DIAPH1: variants seen among roughly 807,000 people sequenced by gnomAD.
DIAPH1 encodes the protein diaphanous related formin 1.
A neutral mutation model predicts 140.7 loss-of-function variants in DIAPH1; 46 were observed. That is an observed-to-expected ratio of 0.33 (90% CI 0.26 to 0.42). The LOEUF is 0.42. Among genes scored for constraint, DIAPH1 ranks in the 10% least tolerant of loss-of-function variants. The probability of loss-of-function intolerance (pLI) is 1.00; values close to 1 mark genes in which losing one functional copy is unlikely to be tolerated. For missense variants in DIAPH1, 1,310 were observed against 1,558.7 expected, an observed-to-expected ratio of 0.84 and a Z score of 2.69; for synonymous variants, 565 against 551.6, an observed-to-expected ratio of 1.02 and a Z score of -0.34.
At chr5:141,596,599 A>G (rs1466728421) in intron 1 of DIAPH1, among the ~76,000 whole-genome samples, 2 of 152,176 alleles carry the variant, frequency 1.3e-5, no homozygotes. Context: ...TTCATTAATA[A>G]TTTTTATATT....
At position 141,548,956 on chromosome 5, in the gene DIAPH1, A is replaced by G. The variant is rs77930104; in HGVS notation, c.2483-14523T>C. On this transcript the variant is annotated intron_variant, in intron 18 of 27. Coordinates refer to ENST00000389054, the MANE Select transcript of DIAPH1 (RefSeq NM_005219.5). ...TAGGAGGATAGTAAAAAGGTATATA[A>G]CGACAGGGGAAATGTGAAATAATAC... is the stretch of plus-strand genomic sequence containing the variant. Among the ~76,000 whole-genome samples, 645 of 152,346 alleles carry G rather than the reference A, an allele frequency of 4.2e-3. 6 individuals carry two copies. Among genetic ancestry groups the G allele is most frequent in the African/African-American group, 0.015 (629 of 41,580 alleles).
chr5:141,586,897 G>A (rs2099897637), intron 3 of DIAPH1, 145 bp downstream of exon 3: 5 of 826,540 alleles, frequency 6.0e-6, no homozygotes, highest in Non-Finnish European at 8.2e-6. Flanking sequence ...CTAATTATGG[G>A]ATTAAAGGGT....
At chr5:141,566,414 CAGT>C (rs1226831310) in intron 18 of DIAPH1, among the ~76,000 whole-genome samples, 13 of 152,230 alleles carry the variant, frequency 8.5e-5, no homozygotes, top group Non-Finnish European at 1.8e-4. Flanking sequence ...ACACGGGTGT[CAGT>C]AGATGACAAC....
At chr5:141,583,089 C>T (rs2099897018) in intron 6 of DIAPH1, 117 bp downstream of exon 6, 2 of 896,004 alleles carry the variant, frequency 2.2e-6, no homozygotes, top group Non-Finnish European at 3.8e-6. Flanking sequence ...TCTTGGCTAA[C>T]AGTACATTCC....
intron 1 of DIAPH1, among the ~76,000 whole-genome samples, chr5:141,611,839 G>A (rs2099901889): frequency 1.3e-5 from 2 of 152,198 alleles, no homozygotes; most frequent in African/African-American, 4.8e-5. Context: ...GGCCCAGGCA[G>A]GTGGATCACC....
chr5:141,573,354 G>C, intron 16 of DIAPH1, 138 bp downstream of exon 16: 1 of 1,059,964 alleles, frequency 9.4e-7, no homozygotes, highest in Non-Finnish European at 1.4e-6. Flanking sequence ...AGAATGGCGT[G>C]AACCCGGGAG....
intron 1 of DIAPH1, among the ~76,000 whole-genome samples, chr5:141,589,920 T>C (rs1279482927): frequency 6.8e-6 from 1 of 147,834 alleles, no homozygotes; most frequent in East Asian, 2.0e-4. Context: ...TAGTAAATCT[T>C]TTTTTTTTTT....
intron 18 of DIAPH1, chr5:141,564,783 A>C (rs1008805821): frequency 6.6e-6 from 1 of 152,270 alleles, no homozygotes; most frequent in Non-Finnish European, 1.5e-5. Context: ...AAAAAGTAAC[A>C]GAACCAGAAG....
intron 1 of DIAPH1, 38 bp downstream of exon 1, chr5:141,618,760 A>T: frequency 6.9e-7 from 1 of 1,458,914 alleles, no homozygotes; most frequent in Non-Finnish European, 9.4e-7. Flanking sequence ...GAGGGCGGTT[A>T]CGGGGCCAGG....
Position 141,526,474 on chromosome 5 carries a change from A to G in DIAPH1, c.3274-13T>C, listed in dbSNP as rs779733072. The G allele has an allele frequency of 6.2e-7, 1 of 1,614,118 alleles. No homozygotes were observed. Among genetic ancestry groups the G allele is most frequent in the Non-Finnish European group, 8.5e-7 (1 of 1,180,032 alleles). On this transcript the variant is annotated splice_polypyrimidine_tract_variant and intron_variant, in intron 24 of 27. Coordinates refer to ENST00000389054, the MANE Select transcript of DIAPH1 (RefSeq NM_005219.5). The stretch of plus-strand genomic sequence containing the variant: ...CCTTCACAAAGCTGTGCAGCCAAGG[A>G]GTAAAGGACCAAGACCAAGACCAAG...
chr5:141,521,198 T>A (rs1204665798), intron 27 of DIAPH1, among the ~76,000 whole-genome samples: 2 of 152,228 alleles, frequency 1.3e-5, no homozygotes, highest in Non-Finnish European at 2.9e-5. Flanking sequence ...TCTATGGTTC[T>A]GTTAGATGGA....
rs1353631853 is a variant in DIAPH1, at chr5:141,562,620, C to CAA, written c.2482+8806_2482+8807dup. Among the ~76,000 whole-genome samples, 259 of 130,800 alleles carry CAA rather than the reference C, an allele frequency of 2.0e-3. 2 individuals carry two copies. The highest frequency in any genetic ancestry group is 4.2e-3 in the African/African-American group (156 of 36,968). The allele number at this position is 130,800 out of a possible 152,430, so 85.8% of individuals were successfully genotyped here. A position where few individuals can be genotyped will look rare whatever the true frequency, so the allele number is the denominator to read the frequency against. On this transcript the variant is annotated intron_variant, in intron 18 of 27. Coordinates refer to ENST00000389054, the MANE Select transcript of DIAPH1 (RefSeq NM_005219.5). ...ACTTACCTATGCAAAAAAAAAAAAA[C>CAA]AAACAAAAAAAAACAGATAACAGAG...
chr5:141,553,773 T>G (rs1050236796), intron 18 of DIAPH1, among the ~76,000 whole-genome samples: 1 of 151,548 alleles, frequency 6.6e-6, no homozygotes, highest in African/African-American at 2.4e-5. Context: ...AAAGAAAAAT[T>G]TAAAGATAGA....
At position 141,529,202 on chromosome 5, in the gene DIAPH1, G is replaced by A; in HGVS notation, c.2748C>T (p.Asp916=). 6.2e-7 allele frequency: 1 copy of A among 1,614,144 alleles called. No homozygotes were observed. The highest frequency in any genetic ancestry group is 1.1e-5 in the South Asian group (1 of 91,072). Residue 916 remains aspartate, a synonymous_variant, in exon 21 of 28, where the codon GAC becomes GAT. Coordinates refer to ENST00000389054, the MANE Select transcript of DIAPH1 (RefSeq NM_005219.5). ...MLSELKDEYD[D]LAESEQFGVV... is the part of the protein sequence containing the mutation. ...CGCCAAACTGCTCTGACTCAGCCAGGTCATCATATTCATCCTTCAGTTCAG... is the reference window on the plus strand; with the variant it reads ...CGCCAAACTGCTCTGACTCAGCCAGATCATCATATTCATCCTTCAGTTCAG...
At position 141,534,490 on chromosome 5, in the gene DIAPH1, C is replaced by T. The variant is rs145976094; in HGVS notation, c.2483-57G>A. 8.6e-4 allele frequency: 1,173 copies of T among 1,362,398 alleles called. 10 individuals are homozygous for T. In the African/African-American group the frequency reaches 0.013, roughly 15 times the overall value. 84.4% of individuals were successfully genotyped at this position (1,362,398 alleles called of 1,614,324 possible). A position where few individuals can be genotyped will look rare whatever the true frequency, so the allele number is the denominator to read the frequency against. On this transcript the variant is annotated intron_variant, in intron 18 of 27. Transcript: ENST00000389054. ...AAAAGTAAGCCACCTCTGTGCTTTA[C>T]CAAGCAACTACTGTCCAGCGTGAAA...
chr5:141,607,939 T>C (rs948023730), intron 1 of DIAPH1, among the ~76,000 whole-genome samples: 1 of 152,228 alleles, frequency 6.6e-6, no homozygotes, highest in African/African-American at 2.4e-5. Flanking sequence ...TGATTCATAA[T>C]AACCCCCTAA....
At chr5:141,586,337 G>T (rs957088938) in intron 3 of DIAPH1, among the ~76,000 whole-genome samples, 5 of 152,180 alleles carry the variant, frequency 3.3e-5, no homozygotes, top group Non-Finnish European at 5.9e-5. Context: ...CTGTGCTAAG[G>T]ATTTTAAACC....
At chr5:141,530,059 G>T (rs1465223134) in intron 19 of DIAPH1, among the ~76,000 whole-genome samples, 3 of 152,118 alleles carry the variant, frequency 2.0e-5, no homozygotes, top group Admixed American at 1.3e-4. Context: ...ACTCCAGCCT[G>T]AGCAACAGAG....
In DIAPH1 at chr5:141,579,122, T is replaced by A. The variant is rs2099896374; in HGVS notation, c.899A>T (p.Asp300Val). 6.2e-7 allele frequency: 1 copy of A among 1,614,052 alleles called. No individual in the cohort carries two copies. Among genetic ancestry groups the A allele is most frequent in the African/African-American group, 1.3e-5 (1 of 74,932 alleles). Residue 300 changes from aspartate (D) to valine (V), a missense_variant, in exon 9 of 28, where the codon GAT becomes GTT. Asp to Val is a radical substitution (Grantham distance 152, BLOSUM62 -3). Coordinates refer to ENST00000389054, the MANE Select transcript of DIAPH1 (RefSeq NM_005219.5). ...AATAGTGGTTCCACTTTTTAATCCA[T>A]CCAGCAGCGGCTGGAAACGTTCCAC... ...DEVERFQPLL[D>V]GLKSGTTIAL...
Sources: allele counts gnomAD v4.1 joint callset (sites outside exome capture counted in the v4.1 genomes callset), GRCh38; gene constraint gnomAD v4.1.1; transcripts MANE v1.5; gene names NCBI Gene and HGNC (gene_info 2026-07-23, HGNC 2026-07-21).